The following RAB38 variants were observed in gnomAD, a reference collection of about 807,000 sequenced individuals.
RAB38 encodes the protein RAB38, member RAS oncogene family.
RAB38 carries 15 observed loss-of-function variants against 18.4 expected under a neutral mutation model. The observed-to-expected ratio is 0.82, with a 90% CI of 0.55 to 1.26. The LOEUF (loss-of-function observed/expected upper bound fraction) is 1.26, where lower values mean the gene tolerates loss of function less well. Among genes scored for constraint, RAB38 ranks in the 50% most tolerant of loss-of-function variants. The probability of loss-of-function intolerance (pLI) is 0.00; values close to 1 mark genes in which losing one functional copy is unlikely to be tolerated. For synonymous variants in RAB38, 101 were observed against 104.4 expected (o/e 0.97, Z 0.20); for missense variants, 294 against 267.4 (o/e 1.10, Z -0.69).
chr11:87,876,732 A>G, the RAB38 span, among the ~76,000 whole-genome samples: 1 of 151,556 alleles, frequency 6.6e-6, no homozygotes, highest in South Asian at 2.1e-4. Context: ...AATTCTAGTG[A>G]GGCCTGTATG....
At chr11:87,835,353 G>T in the RAB38 span, among the ~76,000 whole-genome samples, 1 of 152,076 alleles carries the variant, frequency 6.6e-6, no homozygotes, top group Admixed American at 6.6e-5. Context: ...TGCCAGTCTG[G>T]ATCTCGGATG....
chr11:88,067,269 A>G, the RAB38 span, among the ~76,000 whole-genome samples: 1 of 152,006 alleles, frequency 6.6e-6, no homozygotes, highest in African/African-American at 2.4e-5. Flanking sequence ...TCTAGATGTT[A>G]GCATTACACA....
At chr11:87,813,554 T>A in the RAB38 span, among the ~76,000 whole-genome samples, 2 of 151,794 alleles carry the variant, frequency 1.3e-5, no homozygotes, top group Non-Finnish European at 2.9e-5. Flanking sequence ...AGATGTTTTA[T>A]GCTGTTGCTT....
chr11:87,846,208 A>G, the RAB38 span, among the ~76,000 whole-genome samples: 1 of 152,072 alleles, frequency 6.6e-6, no homozygotes, highest in Non-Finnish European at 1.5e-5. Context: ...AAGAAGAGAA[A>G]CAGAAAACAA....
At chr11:88,026,967 TTA>T in the RAB38 span, among the ~76,000 whole-genome samples, 1 of 152,206 alleles carries the variant, frequency 6.6e-6, no homozygotes, top group African/African-American at 2.4e-5. Context: ...AGTTCAATGT[TTA>T]TATATAAAAA....
chr11:87,825,674 T>C, the RAB38 span, among the ~76,000 whole-genome samples: 1 of 152,062 alleles, frequency 6.6e-6, no homozygotes, highest in South Asian at 2.1e-4. Flanking sequence ...TGAACACAAC[T>C]CAGTCTATAA....
chr11:88,148,304 G>A (rs1943017061), intron 2 of RAB38, among the ~76,000 whole-genome samples: 1 of 152,210 alleles, frequency 6.6e-6, no homozygotes, highest in Admixed American at 6.5e-5. Context: ...GACAGAAAAA[G>A]TGGCACCACT....
At chr11:87,906,834 A>G in the RAB38 span, among the ~76,000 whole-genome samples, 15 of 151,990 alleles carry the variant, frequency 9.9e-5, no homozygotes, top group African/African-American at 3.6e-4. Flanking sequence ...TTATTCACCC[A>G]TTGATATATC....
the RAB38 span, among the ~76,000 whole-genome samples, chr11:87,848,530 G>T: frequency 1.3e-5 from 2 of 151,182 alleles, no homozygotes; most frequent in South Asian, 4.1e-4. Context: ...ATTCTATTTC[G>T]CTCTCATTGG....
chr11:87,851,857 C>T, the RAB38 span, among the ~76,000 whole-genome samples: 1 of 152,068 alleles, frequency 6.6e-6, no homozygotes, highest in Non-Finnish European at 1.5e-5. Context: ...CTTTTAGGGT[C>T]TCTAGCTGGG....
the RAB38 span, among the ~76,000 whole-genome samples, chr11:87,940,954 T>G: frequency 6.6e-6 from 1 of 151,740 alleles, no homozygotes; most frequent in Non-Finnish European, 1.5e-5. Flanking sequence ...ACATACTTAC[T>G]TGGTAAATGA....
At chr11:87,817,319 T>G in the RAB38 span, 1 of 152,142 alleles carries the variant, frequency 6.6e-6, no homozygotes, top group South Asian at 2.1e-4. Context: ...TTTCAATGTA[T>G]TCATTGTACC....
the RAB38 span, among the ~76,000 whole-genome samples, chr11:88,104,716 AT>A: frequency 6.6e-6 from 1 of 152,122 alleles, no homozygotes; most frequent in Non-Finnish European, 1.5e-5. Flanking sequence ...ATTGAGCACT[AT>A]TTCATTTACT....
At chr11:87,882,297 T>C in the RAB38 span, among the ~76,000 whole-genome samples, 1 of 151,884 alleles carries the variant, frequency 6.6e-6, no homozygotes, top group Non-Finnish European at 1.5e-5. Flanking sequence ...GCATATTGCC[T>C]GTAAATTTGT....
the RAB38 span, among the ~76,000 whole-genome samples, chr11:88,034,982 A>G: frequency 6.6e-6 from 1 of 152,212 alleles, no homozygotes; most frequent in Non-Finnish European, 1.5e-5. Context: ...GAGCTCCTTG[A>G]CAACATTTGT....
At chr11:87,873,892 GTA>G in the RAB38 span, among the ~76,000 whole-genome samples, 1 of 59,204 alleles carries the variant, frequency 1.7e-5, no homozygotes. Context: ...ATATGTGTGT[GTA>G]TATATATATA....
the RAB38 span, among the ~76,000 whole-genome samples, chr11:87,890,238 A>G: frequency 6.6e-6 from 1 of 151,914 alleles, no homozygotes; most frequent in Admixed American, 6.6e-5. Context: ...ACTATTTATA[A>G]TATGTATAAA....
chr11:87,928,436 T>C, the RAB38 span, among the ~76,000 whole-genome samples: 1 of 152,060 alleles, frequency 6.6e-6, no homozygotes, highest in Non-Finnish European at 1.5e-5. Context: ...CAAGATGATA[T>C]TGAGTCATCC....
chr11:88,113,916 A>G lies in RAB38; in HGVS notation c.*72T>C. On this transcript the variant is annotated 3_prime_UTR_variant, in exon 3 of 3. Transcript: ENST00000243662. The stretch of plus-strand genomic sequence containing the variant: ...GTATCTCTATCCTGACGTTTACCCA[A>G]AATGGTAAAAATAGAGGCACAATTT... 1 of 1,576,746 alleles carries G rather than the reference A, an allele frequency of 6.3e-7. No homozygotes were observed. The highest frequency in any genetic ancestry group is 1.1e-5 in the South Asian group (1 of 89,524).
Sources: gnomAD v4.1 joint callset for allele counts (sites outside exome capture counted in the v4.1 genomes callset) on GRCh38, gnomAD v4.1.1 for gene constraint, MANE v1.5 for transcripts, NCBI Gene and HGNC (gene_info 2026-07-23, HGNC 2026-07-21) for gene names.